PEX5L: variants seen among roughly 807,000 people sequenced by gnomAD.
The protein encoded by PEX5L is peroxisomal biogenesis factor 5 like, also known as PEX5-related protein.
A neutral mutation model predicts 84.0 loss-of-function variants in PEX5L; 30 were observed. The observed-to-expected ratio is 0.36, with a 90% CI of 0.27 to 0.48. The LOEUF (loss-of-function observed/expected upper bound fraction) is 0.48. Among genes scored for constraint, PEX5L ranks in the 20% least tolerant of loss-of-function variants. PEX5L has a pLI of 0.99. For missense variants in PEX5L, 533 were observed against 754.6 expected (o/e 0.71, Z 3.44); for synonymous variants, 270 against 283.1 (o/e 0.95, Z 0.46).
intron 3 of PEX5L, among the ~76,000 whole-genome samples, chr3:179,892,021 CTT>C (rs532655194): frequency 2.0e-5 from 3 of 152,024 alleles, no homozygotes; most frequent in Non-Finnish European, 4.4e-5. Context: ...CTTATTTTGT[CTT>C]TTGGGTATGG....
Position 179,983,368 on chromosome 3 carries a change from TACTTAAC to T in PEX5L, c.22-11710_22-11704del, listed in dbSNP as rs1240105716. On this transcript the variant is annotated intron_variant, in intron 1 of 14. Coordinates refer to ENST00000467460, the MANE Select transcript of PEX5L (RefSeq NM_016559.3). ...CTAGAAACCATCAGAATAAAGAATC[TACTTAAC>T]ACTTAAGAGACAATAGCACATAAGT... Among the ~76,000 whole-genome samples, 6 of 152,174 alleles carry T rather than the reference TACTTAAC, an allele frequency of 3.9e-5. No individual in the cohort carries two copies. In the East Asian group the frequency reaches 9.6e-4, roughly 24 times the overall value.
At chr3:179,890,476 A>G (rs2108885296) in intron 3 of PEX5L, among the ~76,000 whole-genome samples, 1 of 152,360 alleles carries the variant, frequency 6.6e-6, no homozygotes, top group African/African-American at 2.4e-5. Flanking sequence ...TGTATGGACA[A>G]TGTCATAACT....
At chr3:179,970,350 T>C (rs1225973543) in intron 2 of PEX5L, among the ~76,000 whole-genome samples, 1 of 152,054 alleles carries the variant, frequency 6.6e-6, no homozygotes, top group Non-Finnish European at 1.5e-5. Flanking sequence ...AAGTATTTAA[T>C]CTGGCATAAA....
At chr3:179,846,170 A>T (rs1387176754) in intron 8 of PEX5L, among the ~76,000 whole-genome samples, 3 of 152,022 alleles carry the variant, frequency 2.0e-5, no homozygotes, top group African/African-American at 2.4e-5. Context: ...ACTCTGTCTC[A>T]AAAAAACAAA....
At chr3:179,912,918 C>A (rs1765680199) in intron 2 of PEX5L, among the ~76,000 whole-genome samples, 1 of 152,014 alleles carries the variant, frequency 6.6e-6, no homozygotes. Context: ...AAGGAAACAT[C>A]CATTAAGGAA....
At chr3:179,816,282 T>G (rs553841604) in intron 9 of PEX5L, among the ~76,000 whole-genome samples, 11 of 152,240 alleles carry the variant, frequency 7.2e-5, no homozygotes, top group African/African-American at 2.6e-4. Flanking sequence ...TAAAGACAAA[T>G]GCACACATAT....
chr3:179,947,280 TAC>T (rs1289087903), intron 2 of PEX5L, among the ~76,000 whole-genome samples: 5 of 151,188 alleles, frequency 3.3e-5, no homozygotes, highest in East Asian at 1.9e-4. Flanking sequence ...ATAATGATAA[TAC>T]AGTTACCATT....
intron 8 of PEX5L, among the ~76,000 whole-genome samples, chr3:179,849,892 C>T (rs1215021327): frequency 6.6e-6 from 1 of 152,130 alleles, no homozygotes; most frequent in African/African-American, 2.4e-5. Flanking sequence ...TGGAGGTAGT[C>T]TACAAATCTG....
At chr3:179,854,421 T>C (rs553821502) in intron 8 of PEX5L, among the ~76,000 whole-genome samples, 10 of 152,232 alleles carry the variant, frequency 6.6e-5, no homozygotes, top group African/African-American at 2.2e-4. Flanking sequence ...GTTCATACCA[T>C]CTAAAATACA....
intron 8 of PEX5L, among the ~76,000 whole-genome samples, chr3:179,833,090 G>A (rs1733748817): frequency 1.3e-5 from 2 of 152,240 alleles, no homozygotes; most frequent in Non-Finnish European, 2.9e-5. Context: ...TCCTCCTTAT[G>A]AGGATGGATT....
intron 1 of PEX5L, among the ~76,000 whole-genome samples, chr3:180,005,706 G>T (rs1028357316): frequency 6.6e-6 from 1 of 150,836 alleles, no homozygotes; most frequent in Non-Finnish European, 1.5e-5. Context: ...TCCAGCCTGG[G>T]CGACAGAGCG....
At chr3:179,906,614 G>T (rs569717144) in intron 2 of PEX5L, among the ~76,000 whole-genome samples, 1 of 152,076 alleles carries the variant, frequency 6.6e-6, no homozygotes, top group East Asian at 1.9e-4. Context: ...TTTGAGGATT[G>T]TGTGAAATAT....
chr3:179,822,634 C>A (rs73885951), intron 8 of PEX5L, among the ~76,000 whole-genome samples: 1,634 of 152,272 alleles, frequency 0.011, 33 homozygotes, highest in African/African-American at 0.038. Context: ...TTAGAGAAAC[C>A]TGAAACATAT....
chr3:179,935,217 G>T (rs1006924036), intron 2 of PEX5L, among the ~76,000 whole-genome samples: 2 of 152,146 alleles, frequency 1.3e-5, no homozygotes, highest in African/African-American at 4.8e-5. Flanking sequence ...ACTGTGTAAT[G>T]CTATGTAAAA....
chr3:179,847,792 C>A (rs1032526346), intron 8 of PEX5L, among the ~76,000 whole-genome samples: 12 of 152,038 alleles, frequency 7.9e-5, no homozygotes, highest in African/African-American at 2.9e-4. Flanking sequence ...GCCTTGACTT[C>A]CTGGGCTCAA....
At chr3:179,853,617 C>A (rs13318482) in intron 8 of PEX5L, among the ~76,000 whole-genome samples, 76 of 152,234 alleles carry the variant, frequency 5.0e-4, no homozygotes, top group African/African-American at 1.7e-3. Context: ...TAAGGAAAAT[C>A]CAGGGGGAAG....
At chr3:179,960,492 T>C (rs565461323) in intron 2 of PEX5L, among the ~76,000 whole-genome samples, 3 of 152,272 alleles carry the variant, frequency 2.0e-5, no homozygotes, top group South Asian at 2.1e-4. Flanking sequence ...TCACTATGTA[T>C]TGGGTGCTCA....
In PEX5L at chr3:179,941,367, G is replaced by A. The variant is rs527726625; in HGVS notation, c.93+30227C>T. Among the ~76,000 whole-genome samples, 250 of 152,170 alleles carry A rather than the reference G, an allele frequency of 1.6e-3. 1 individual carries two copies. Among genetic ancestry groups the A allele is most frequent in the Middle Eastern group, 0.01 (3 of 294 alleles). On this transcript the variant is annotated intron_variant, in intron 2 of 14. Coordinates refer to ENST00000467460, the MANE Select transcript of PEX5L (RefSeq NM_016559.3). ...TTCCCCTCAGCTCAAAATTCTCTAC[G>A]AGGTACTTCATATATATGGAACCAT...
intron 1 of PEX5L, among the ~76,000 whole-genome samples, chr3:179,981,801 A>G (rs1786355937): frequency 1.2e-5 from 1 of 81,972 alleles, no homozygotes; most frequent in Non-Finnish European, 2.1e-5. Flanking sequence ...GTTTCATGCT[A>G]TTTGAAAAAA....
Sources: allele counts gnomAD v4.1 joint callset (sites outside exome capture counted in the v4.1 genomes callset), GRCh38; gene constraint gnomAD v4.1.1; transcripts MANE v1.5; gene names NCBI Gene and HGNC (gene_info 2026-07-23, HGNC 2026-07-21).